DLGAP2: variants seen among roughly 807,000 people sequenced by gnomAD.
DLGAP2 encodes the protein DLG associated protein 2.
In DLGAP2, 26 loss-of-function variants were observed where a neutral mutation model predicts 100.3. That is an observed-to-expected ratio of 0.26 (90% CI 0.19 to 0.36). The LOEUF is 0.36. DLGAP2 is among the 10% of genes least tolerant of loss of function. The pLI is 1.00. For synonymous variants in DLGAP2, 886 were observed against 630.1 expected (o/e 1.41, Z -6.08); for missense variants, 1,858 against 1,453.2 (o/e 1.28, Z -4.53).
chr8:1,203,721 A>G (rs916993304), intron 2 of DLGAP2, among the ~76,000 whole-genome samples: 22 of 152,206 alleles, frequency 1.4e-4, no homozygotes, highest in Non-Finnish European at 2.1e-4. Flanking sequence ...AACCACACAC[A>G]CAAATGATTT....
intron 4 of DLGAP2, among the ~76,000 whole-genome samples, chr8:1,542,178 A>G (rs773933351): frequency 7.2e-5 from 11 of 152,208 alleles, no homozygotes; most frequent in African/African-American, 9.6e-5. Flanking sequence ...AAGTGTGTCT[A>G]TATTCAATTT....
chr8:1,372,347 G>A (rs1204663232), intron 3 of DLGAP2, among the ~76,000 whole-genome samples: 1 of 152,216 alleles, frequency 6.6e-6, no homozygotes, highest in Non-Finnish European at 1.5e-5. Context: ...ACTGTTTAAT[G>A]TGCTTCCAAC....
chr8:1,352,263 C>A (rs111481084), intron 3 of DLGAP2, among the ~76,000 whole-genome samples: 5 of 57,776 alleles, frequency 8.7e-5, no homozygotes, highest in African/African-American at 2.4e-4. Flanking sequence ...GGGTCCTGAT[C>A]GTGTGTGGAA....
intron 2 of DLGAP2, among the ~76,000 whole-genome samples, chr8:1,045,605 A>T (rs1216238238): frequency 1.3e-5 from 2 of 152,090 alleles, no homozygotes; most frequent in African/African-American, 4.8e-5. Context: ...CTCCCGTCTC[A>T]TTGGCATTTT....
chr8:1,562,491 A>G (rs1182481605), intron 5 of DLGAP2, among the ~76,000 whole-genome samples: 7 of 31,988 alleles, frequency 2.2e-4, no homozygotes, highest in East Asian at 1.9e-3. Context: ...GCGCCTCGTT[A>G]CTGGGGGACT....
intron 2 of DLGAP2, among the ~76,000 whole-genome samples, chr8:923,770 G>A (rs1288652079): frequency 6.6e-6 from 1 of 152,174 alleles, no homozygotes; most frequent in Non-Finnish European, 1.5e-5. Context: ...TAGGAGGAAA[G>A]CGTAACTAAT....
At chr8:1,312,176 C>T (rs1434501093) in intron 3 of DLGAP2, among the ~76,000 whole-genome samples, 2 of 152,190 alleles carry the variant, frequency 1.3e-5, no homozygotes, top group Non-Finnish European at 2.9e-5. Context: ...ACACAGATCT[C>T]AACCTTTTCA....
chr8:1,032,474 A>C (rs562102437), intron 2 of DLGAP2: 2 of 152,334 alleles, frequency 1.3e-5, no homozygotes, highest in South Asian at 4.1e-4. Flanking sequence ...CCTAGGGAAA[A>C]ATGACCTTGA....
intron 2 of DLGAP2, among the ~76,000 whole-genome samples, chr8:1,238,515 C>T (rs1224370109): frequency 7.6e-6 from 1 of 131,928 alleles, no homozygotes; most frequent in Non-Finnish European, 1.7e-5. Flanking sequence ...GTCTAGTTCT[C>T]TCACATGGCG....
intron 1 of DLGAP2, among the ~76,000 whole-genome samples, chr8:813,799 T>G (rs994497460): frequency 8.5e-5 from 13 of 152,130 alleles, no homozygotes; most frequent in African/African-American, 3.1e-4. Flanking sequence ...TGCACATTTC[T>G]CCAGCAGATA....
At chr8:833,910 A>G (rs1385263953) in intron 1 of DLGAP2, among the ~76,000 whole-genome samples, 1 of 152,182 alleles carries the variant, frequency 6.6e-6, no homozygotes, top group Non-Finnish European at 1.5e-5. Context: ...TCAAAGTGGT[A>G]AAAAAGAAAA....
chr8:820,526 G>A (rs1186849664), intron 1 of DLGAP2, among the ~76,000 whole-genome samples: 2 of 152,050 alleles, frequency 1.3e-5, no homozygotes, highest in Admixed American at 6.6e-5. Flanking sequence ...CTAAGAAACA[G>A]TTTACACAGA....
intron 6 of DLGAP2, among the ~76,000 whole-genome samples, chr8:1,586,095 T>C (rs1796110031): frequency 6.6e-6 from 1 of 152,272 alleles, no homozygotes; most frequent in South Asian, 2.1e-4. Flanking sequence ...AGGGCGTTTA[T>C]CCTCAGCCAA....
chr8:772,912 C>G (rs1821403871), intron 1 of DLGAP2, among the ~76,000 whole-genome samples: 1 of 152,162 alleles, frequency 6.6e-6, no homozygotes, highest in Non-Finnish European at 1.5e-5. Flanking sequence ...GGTGTTAGAG[C>G]TAGAGTACAT....
intron 2 of DLGAP2, among the ~76,000 whole-genome samples, chr8:988,096 G>A (rs1276221330): frequency 6.6e-6 from 1 of 152,142 alleles, no homozygotes; most frequent in African/African-American, 2.4e-5. Context: ...CATAGGCCCT[G>A]ATGGGAGTTG....
intron 4 of DLGAP2, among the ~76,000 whole-genome samples, chr8:1,546,128 C>T (rs1473313603): frequency 6.6e-6 from 1 of 152,138 alleles, no homozygotes; most frequent in East Asian, 1.9e-4. Flanking sequence ...TTAAAGTGCT[C>T]TCATTATAAT....
At chr8:1,296,698 AC>A (rs1800185319) in intron 3 of DLGAP2, among the ~76,000 whole-genome samples, 2 of 152,198 alleles carry the variant, frequency 1.3e-5, no homozygotes, top group South Asian at 4.1e-4. Context: ...TCCCCACTTT[AC>A]AAAGGAGGCA....
At chr8:942,032 C>G (rs1158281639) in intron 2 of DLGAP2, among the ~76,000 whole-genome samples, 1 of 152,042 alleles carries the variant, frequency 6.6e-6, no homozygotes, top group Non-Finnish European at 1.5e-5. Flanking sequence ...TCTCTGTTGT[C>G]CAGGCTGGTC....
At chr8:1,183,822 C>T (rs1797443305) in intron 2 of DLGAP2, among the ~76,000 whole-genome samples, 1 of 152,238 alleles carries the variant, frequency 6.6e-6, no homozygotes, top group Non-Finnish European at 1.5e-5. Context: ...TGCAAGCCTT[C>T]AGGCAGAGAA....
Sources: allele counts gnomAD v4.1 joint callset (sites outside exome capture counted in the v4.1 genomes callset), GRCh38; gene constraint gnomAD v4.1.1; transcripts MANE v1.5; gene names NCBI Gene and HGNC (gene_info 2026-07-23, HGNC 2026-07-21).